ZNF292: variants seen among roughly 807,000 people sequenced by gnomAD.
ZNF292 encodes 16 zinc-finger domain protein.
A neutral mutation model predicts 217.9 loss-of-function variants in ZNF292; 26 were observed. The observed-to-expected ratio is 0.12, with a 90% CI of 0.09 to 0.17. The LOEUF (loss-of-function observed/expected upper bound fraction) is 0.17. Among genes scored for constraint, ZNF292 ranks in the 10% least tolerant of loss-of-function variants. The pLI, the probability that ZNF292 is intolerant of heterozygous loss-of-function variation, is 1.00. For synonymous variants in ZNF292, 1,257 were observed against 1,124.1 expected, an observed-to-expected ratio of 1.12 and a Z score of -2.37; for missense variants, 2,904 against 3,175.2, an observed-to-expected ratio of 0.91 and a Z score of 2.05.
chr6:87,195,046 G>A (rs1771915406), intron 1 of ZNF292, among the ~76,000 whole-genome samples: 1 of 151,964 alleles, frequency 6.6e-6, no homozygotes, highest in South Asian at 2.1e-4. Flanking sequence ...ATGTAATAAG[G>A]ACTAAGTTTT....
intron 7 of ZNF292, among the ~76,000 whole-genome samples, chr6:87,251,493 G>C (rs990938993): frequency 6.6e-6 from 1 of 152,152 alleles, no homozygotes; most frequent in Non-Finnish European, 1.5e-5. Flanking sequence ...ACCTGGTGCT[G>C]TTCTTTTCCT....
At chr6:87,239,465 G>C (rs981781902) in intron 5 of ZNF292, among the ~76,000 whole-genome samples, 1 of 146,612 alleles carries the variant, frequency 6.8e-6, no homozygotes, top group Non-Finnish European at 1.5e-5. Context: ...CCTCCCGGAT[G>C]GGGCGGCTGG....
chr6:87,168,828 C>T (rs1030076199), intron 1 of ZNF292, among the ~76,000 whole-genome samples: 1 of 151,960 alleles, frequency 6.6e-6, no homozygotes, highest in African/African-American at 2.4e-5. Context: ...ATGATCATCC[C>T]TCGGTATTCG....
chr6:87,216,832 C>T (rs898959057), intron 3 of ZNF292, among the ~76,000 whole-genome samples: 37 of 152,142 alleles, frequency 2.4e-4, no homozygotes, highest in Non-Finnish European at 4.7e-4. Flanking sequence ...TAGCTAAGAT[C>T]ACATAGTAGT....
intron 1 of ZNF292, among the ~76,000 whole-genome samples, chr6:87,211,588 A>G (rs919815891): frequency 4.6e-5 from 7 of 152,154 alleles, no homozygotes; most frequent in African/African-American, 7.2e-5. Context: ...GCATATTACT[A>G]TAATTTACCT....
At chr6:87,163,201 T>C (rs977947929) in intron 1 of ZNF292, among the ~76,000 whole-genome samples, 9 of 152,216 alleles carry the variant, frequency 5.9e-5, no homozygotes, top group South Asian at 2.1e-4. Flanking sequence ...CCTGTAATCC[T>C]AGCACTTTGG....
chr6:87,175,036 A>G (rs1228426883), intron 1 of ZNF292, among the ~76,000 whole-genome samples: 3 of 152,056 alleles, frequency 2.0e-5, no homozygotes, highest in Non-Finnish European at 4.4e-5. Context: ...CTTGATCCCC[A>G]CCACTTCAGA....
At chr6:87,239,011 TC>T (rs1774058023) in intron 5 of ZNF292, among the ~76,000 whole-genome samples, 1 of 152,356 alleles carries the variant, frequency 6.6e-6, no homozygotes, top group African/African-American at 2.4e-5. Flanking sequence ...AGGTCATAGA[TC>T]AACAGCATCC....
At position 87,179,201 on chromosome 6, in the gene ZNF292, C is replaced by G. The variant is rs540163950; in HGVS notation, c.168+23442C>G. 4.9e-5 allele frequency among the ~76,000 whole-genome samples: 7 copies of G among 141,566 alleles called. No individual in the cohort carries two copies. In the South Asian group the frequency reaches 1.1e-3, roughly 23 times the overall value. 92.9% of individuals were successfully genotyped at this position (141,566 alleles called of 152,430 possible). ...GGGAGATGGAGTCTCACTCTGTCGC[C>G]CGGGCTGGAGTGCACTGGCTTGATC... On this transcript the variant is annotated intron_variant, in intron 1 of 7. Transcript: ENST00000369577.
intron 1 of ZNF292, among the ~76,000 whole-genome samples, chr6:87,160,242 T>A (rs1770687192): frequency 6.6e-6 from 1 of 152,240 alleles, no homozygotes; most frequent in Non-Finnish European, 1.5e-5. Context: ...AAAAGAAACA[T>A]TCCAACAGAG....
intron 1 of ZNF292, among the ~76,000 whole-genome samples, chr6:87,189,419 C>T (rs747040894): frequency 6.6e-6 from 1 of 151,626 alleles, no homozygotes; most frequent in Non-Finnish European, 1.5e-5. Context: ...TAACTAAGTC[C>T]ATACTTGATT....
intron 3 of ZNF292, among the ~76,000 whole-genome samples, chr6:87,218,155 T>C (rs1772882520): frequency 6.6e-6 from 1 of 152,180 alleles, no homozygotes; most frequent in Non-Finnish European, 1.5e-5. Flanking sequence ...TGCATTTAGT[T>C]ATTTTCTTTT....
intron 5 of ZNF292, among the ~76,000 whole-genome samples, chr6:87,237,702 T>C (rs1485619842): frequency 2.6e-5 from 4 of 152,266 alleles, no homozygotes; most frequent in Non-Finnish European, 5.9e-5. Flanking sequence ...ATAATTGTTA[T>C]GCTTTACAAA....
intron 1 of ZNF292, among the ~76,000 whole-genome samples, chr6:87,208,913 C>T (rs1772359031): frequency 6.6e-6 from 1 of 152,174 alleles, no homozygotes; most frequent in South Asian, 2.1e-4. Flanking sequence ...GTAAAGTTGA[C>T]TTATTGCCCT....
intron 1 of ZNF292, among the ~76,000 whole-genome samples, chr6:87,184,470 C>CA (rs772728350): frequency 8.7e-6 from 1 of 115,114 alleles, no homozygotes; most frequent in African/African-American, 3.4e-5. Context: ...TTACCATAGG[C>CA]TTTTTTTTTT....
At chr6:87,226,599 C>T (rs1265983490) in intron 4 of ZNF292, among the ~76,000 whole-genome samples, 1 of 148,478 alleles carries the variant, frequency 6.7e-6, no homozygotes, top group East Asian at 2.0e-4. Flanking sequence ...TCTTAAAGCT[C>T]CTAGACAAGG....
intron 1 of ZNF292, among the ~76,000 whole-genome samples, chr6:87,182,329 T>G (rs1771495761): frequency 6.6e-6 from 1 of 152,232 alleles, no homozygotes; most frequent in Non-Finnish European, 1.5e-5. Flanking sequence ...AAATGAGAAC[T>G]TTTCAATTCT....
Position 87,255,843 on chromosome 6 carries a change from T to C in ZNF292, c.2214T>C (p.Asn738=), listed in dbSNP as rs1582515282. 1 of 1,613,878 alleles carries C rather than the reference T, an allele frequency of 6.2e-7. No individual in the cohort carries two copies. Among genetic ancestry groups the C allele is most frequent in the South Asian group, 1.1e-5 (1 of 91,080 alleles). Reference sequence around the variant, plus strand: ...ATTTTGTGAGTGTTACTCATCTCAATGATCACTTACAGATGCACTGTGGCA... The same window carrying C: ...ATTTTGTGAGTGTTACTCATCTCAACGATCACTTACAGATGCACTGTGGCA... The part of the protein sequence containing the change: ...RRHFVSVTHL[N]DHLQMHCGSK... The change falls in exon 8 of 8, where the codon AAT becomes AAC. Residue 738 remains asparagine (N), a synonymous_variant. Coordinates refer to ENST00000369577, the MANE Select transcript of ZNF292 (RefSeq NM_015021.3).
At chr6:87,178,574 G>T (rs1771374364) in intron 1 of ZNF292, among the ~76,000 whole-genome samples, 2 of 152,128 alleles carry the variant, frequency 1.3e-5, no homozygotes, top group African/African-American at 4.8e-5. Flanking sequence ...ACGTTTGTGT[G>T]TTGTGTATGT....
Sources: gnomAD v4.1 joint callset for allele counts (sites outside exome capture counted in the v4.1 genomes callset) on GRCh38, gnomAD v4.1.1 for gene constraint, MANE v1.5 for transcripts, NCBI Gene and HGNC (gene_info 2026-07-23, HGNC 2026-07-21) for gene names.